TAF12: variants seen among roughly 807,000 people sequenced by gnomAD.
The protein encoded by TAF12 is TATA-box binding protein associated factor 12, also known as transcription initiation factor TFIID subunit 12.
Under a neutral mutation model 20.8 loss-of-function variants are expected in TAF12, and 3 were observed. The ratio of observed to expected loss-of-function variants is 0.14; its 90% CI spans 0.07 to 0.37. The LOEUF is 0.37. Ranked by LOEUF, TAF12 falls within the 10% of genes least tolerant of loss-of-function variation. The probability of loss-of-function intolerance (pLI) is 1.00; values close to 1 mark genes in which losing one functional copy is unlikely to be tolerated. For missense variants in TAF12, 131 were observed against 197.9 expected, an observed-to-expected ratio of 0.66 and a Z score of 2.03; for synonymous variants, 69 against 70.2, an observed-to-expected ratio of 0.98 and a Z score of 0.09.
At chr1:28,624,337 T>C (rs987721341) in intron 1 of TAF12, among the ~76,000 whole-genome samples, 20 of 152,286 alleles carry the variant, frequency 1.3e-4, no homozygotes, top group Admixed American at 3.9e-4. Context: ...CCTGCAGGAA[T>C]TATATCAATG....
At chr1:28,645,496 A>C (rs2124401348), upstream of TAF12, among the ~76,000 whole-genome samples, 1 of 150,664 alleles carries the variant, frequency 6.6e-6, no homozygotes, top group Middle Eastern at 3.5e-3. Context: ...AAAAATACAA[A>C]AATTAGCTGG....
intron 3 of TAF12, among the ~76,000 whole-genome samples, chr1:28,615,952 G>T (rs1667028972): frequency 6.6e-6 from 1 of 152,122 alleles, no homozygotes; most frequent in African/African-American, 2.4e-5. Flanking sequence ...TGTCATGTTG[G>T]TAGAAATAGT....
chr1:28,634,796 G>A (rs914608808), intron 1 of TAF12, among the ~76,000 whole-genome samples: 1 of 152,028 alleles, frequency 6.6e-6, no homozygotes, highest in Non-Finnish European at 1.5e-5. Flanking sequence ...GGGCATGGTG[G>A]GGTATTCCTG....
intron 4 of TAF12, among the ~76,000 whole-genome samples, chr1:28,612,955 T>C (rs1666916521): frequency 6.6e-6 from 1 of 152,162 alleles, no homozygotes. Context: ...AAGGAGGATA[T>C]TATGATCCTC....
At chr1:28,616,434 A>C (rs971197249) in intron 3 of TAF12, among the ~76,000 whole-genome samples, 1 of 150,600 alleles carries the variant, frequency 6.6e-6, no homozygotes, top group African/African-American at 2.4e-5. Context: ...AAAAACAGTA[A>C]GGAAAGTTAT....
chr1:28,635,278 T>C (rs1038295494), intron 1 of TAF12, among the ~76,000 whole-genome samples: 1 of 74,092 alleles, frequency 1.3e-5, no homozygotes, highest in East Asian at 2.9e-4. Context: ...CCTCCCTCCT[T>C]TTTTTTTTTT....
chr1:28,639,845 A>C (rs1305961032), intron 1 of TAF12, among the ~76,000 whole-genome samples: 3 of 151,702 alleles, frequency 2.0e-5, no homozygotes, highest in Non-Finnish European at 4.4e-5. Flanking sequence ...TTTTCAAATT[A>C]CTTTTTTTTT....
intron 4 of TAF12, among the ~76,000 whole-genome samples, chr1:28,607,469 A>G (rs1666705076): frequency 6.6e-6 from 1 of 152,144 alleles, no homozygotes; most frequent in African/African-American, 2.4e-5. Flanking sequence ...TCAGGAGCTC[A>G]AGACCAGTCT....
chr1:28,621,840 A>T, intron 2 of TAF12, 74 bp downstream of exon 2: 1 of 1,540,020 alleles, frequency 6.5e-7, no homozygotes, highest in South Asian at 1.3e-5. Flanking sequence ...TGAGATGGAC[A>T]TCTCTTAAAG....
At position 28,622,055 on chromosome 1, in the gene TAF12, TA is replaced by T; in HGVS notation, c.26del (p.Leu9GlnfsTer10). On this transcript the variant is annotated frameshift_variant, in exon 2 of 6. Transcript: ENST00000373824. LOFTEE classifies it high-confidence loss of function. The part of the protein sequence containing the change: MNQFGPSA[L>X]INLSNFSSIK... ...TGGATGAGAAATTGGAGAGGTTGAT[TA>T]GGGCTGAGGGGCCAAACTGGTTCAT... 1 of 1,613,810 alleles carries T rather than the reference TA, an allele frequency of 6.2e-7. No homozygotes were observed. The highest frequency in any genetic ancestry group is 8.5e-7 in the Non-Finnish European group (1 of 1,179,986).
Position 28,604,940 on chromosome 1 carries a change from A to G in TAF12, c.450+432T>C, listed in dbSNP as rs553964354. ...AACCAGGACACAGGCCAGAATGTCCAGCACGGCAGCCTGGATACTACCTCT... is the reference window on the plus strand; with the variant it reads ...AACCAGGACACAGGCCAGAATGTCCGGCACGGCAGCCTGGATACTACCTCT... On this transcript the variant is annotated intron_variant, in intron 5 of 5. Coordinates refer to ENST00000373824, the MANE Select transcript of TAF12 (RefSeq NM_005644.4). 3.9e-5 allele frequency among the ~76,000 whole-genome samples: 6 copies of G among 152,320 alleles called. No individual in the cohort carries two copies. In the East Asian group the frequency reaches 1.2e-3, roughly 29 times the overall value.
intron 1 of TAF12, among the ~76,000 whole-genome samples, chr1:28,639,827 G>GCC (rs1482898414): frequency 6.6e-6 from 1 of 151,588 alleles, no homozygotes; most frequent in Non-Finnish European, 1.5e-5. Context: ...TCAAATTTAA[G>GCC]CCCTTGTTTT....
At chr1:28,622,791 C>G (rs577713413) in intron 1 of TAF12, among the ~76,000 whole-genome samples, 1 of 151,452 alleles carries the variant, frequency 6.6e-6, no homozygotes, top group South Asian at 2.1e-4. Flanking sequence ...GAGGCCAAGG[C>G]GGGTAGATCA....
rs531712576 is a variant in TAF12, at chr1:28,620,106, T to C, written c.168+1808A>G. The stretch of plus-strand genomic sequence containing the variant: ...CTGAAGTTTCTGTGATGAACACATA[T>C]AACTTTTGAAATAAGGAAAAAAGAA... On this transcript the variant is annotated intron_variant, in intron 2 of 5. Coordinates refer to ENST00000373824, the MANE Select transcript of TAF12 (RefSeq NM_005644.4). 2.6e-5 allele frequency among the ~76,000 whole-genome samples: 4 copies of C among 152,160 alleles called. No homozygotes were observed. In the South Asian group the frequency reaches 8.3e-4, roughly 32 times the overall value.
chr1:28,643,380 G>C (rs1668105975), upstream of TAF12: 1 of 152,904 alleles, frequency 6.5e-6, no homozygotes, highest in Non-Finnish European at 1.5e-5. Context: ...GGATGGCTTT[G>C]AGGTCGCCAT....
intron 1 of TAF12, among the ~76,000 whole-genome samples, chr1:28,636,120 C>T (rs773177976): frequency 2.0e-5 from 3 of 152,224 alleles, no homozygotes; most frequent in South Asian, 2.1e-4. Flanking sequence ...CTGTGAGACT[C>T]GAGAGCAATA....
At chr1:28,633,297 G>C (rs1350869487) in intron 1 of TAF12, among the ~76,000 whole-genome samples, 1 of 150,630 alleles carries the variant, frequency 6.6e-6, no homozygotes, top group African/African-American at 2.4e-5. Context: ...CTCCAGAGTA[G>C]CTGGGATTAC....
intron 5 of TAF12, 94 bp downstream of exon 5, chr1:28,605,278 C>A (rs376602999): frequency 7.5e-7 from 1 of 1,332,122 alleles, no homozygotes; most frequent in Non-Finnish European, 1.1e-6. Context: ...GTGGAGGAAG[C>A]GAGGCCCCCT....
Position 28,613,230 on chromosome 1 carries a change from G to A in TAF12, c.361+17C>T, listed in dbSNP as rs762413265. On this transcript the variant is annotated intron_variant, in intron 4 of 5. Coordinates refer to ENST00000373824, the MANE Select transcript of TAF12 (RefSeq NM_005644.4). ...AGCAGTTGAATCCATACTTCAGGGAGAAACAAGACCACATACCTAAATGCA... is the reference window on the plus strand; with the variant it reads ...AGCAGTTGAATCCATACTTCAGGGAAAAACAAGACCACATACCTAAATGCA... 1 of 1,591,054 alleles carries A rather than the reference G, an allele frequency of 6.3e-7. No homozygotes were observed. Among genetic ancestry groups the A allele is most frequent in the Non-Finnish European group, 8.6e-7 (1 of 1,166,424 alleles).
Sources: gnomAD v4.1 joint callset for allele counts (sites outside exome capture counted in the v4.1 genomes callset) on GRCh38, gnomAD v4.1.1 for gene constraint, MANE v1.5 for transcripts, NCBI Gene and HGNC (gene_info 2026-07-23, HGNC 2026-07-21) for gene names.